RAP1B: variants seen among roughly 807,000 people sequenced by gnomAD.
The protein encoded by RAP1B is ras-related protein Rap-1b.
Under a neutral mutation model 27.5 loss-of-function variants are expected in RAP1B, and 1 was observed. The ratio of observed to expected loss-of-function variants is 0.04; its 90% CI spans 0.01 to 0.17. The LOEUF (loss-of-function observed/expected upper bound fraction) is 0.17. RAP1B is among the 10% of genes least tolerant of loss of function. The pLI is 1.00. For synonymous variants in RAP1B, 75 were observed against 73.1 expected (o/e 1.03, Z -0.13); for missense variants, 84 against 214.8 (o/e 0.39, Z 3.81).
At chr12:68,615,233 C>G (rs1201066520) in intron 1 of RAP1B, among the ~76,000 whole-genome samples, 1 of 151,862 alleles carries the variant, frequency 6.6e-6, no homozygotes, top group African/African-American at 2.4e-5. Context: ...TCCTTTGAAT[C>G]AGTAGAGGGT....
intron 1 of RAP1B, among the ~76,000 whole-genome samples, chr12:68,623,422 T>C (rs1871522939): frequency 6.6e-6 from 1 of 152,212 alleles, no homozygotes; most frequent in Admixed American, 6.5e-5. Context: ...TTTGCCCTGG[T>C]AGATGTTTGT....
intron 1 of RAP1B, among the ~76,000 whole-genome samples, chr12:68,644,447 G>A (rs1873248848): frequency 6.6e-6 from 1 of 151,810 alleles, no homozygotes; most frequent in Non-Finnish European, 1.5e-5. Flanking sequence ...AGCTGGGCGT[G>A]ATGGTGGGCA....
intron 4 of RAP1B, 29 bp downstream of exon 4, chr12:68,652,080 A>G (rs1873849942): frequency 6.5e-7 from 1 of 1,538,226 alleles, no homozygotes; most frequent in Non-Finnish European, 9.0e-7. Flanking sequence ...CAAAGTATAT[A>G]CACCGTTTGT....
intron 1 of RAP1B, among the ~76,000 whole-genome samples, chr12:68,625,911 A>G (rs1406036390): frequency 6.7e-6 from 1 of 148,868 alleles, no homozygotes; most frequent in Non-Finnish European, 1.5e-5. Flanking sequence ...ATAGAGCGAG[A>G]CTCTGTCTCA....
chr12:68,620,324 A>G (rs1352734759), intron 1 of RAP1B, among the ~76,000 whole-genome samples: 1 of 151,810 alleles, frequency 6.6e-6, no homozygotes, highest in East Asian at 1.9e-4. Context: ...CCCAGGTTCA[A>G]GCGATTCTCT....
rs1874877547 is a variant in RAP1B, at chr12:68,666,890, A to G, written c.*7641A>G. ...AAGCCCCAGAATTAAGCTACTCTAC[A>G]AGGATTCTGAGGGAAGTCTGGGATT... On this transcript the variant is annotated 3_prime_UTR_variant, in exon 8 of 8. Coordinates refer to ENST00000250559, the MANE Select transcript of RAP1B (RefSeq NM_001010942.3). 6.6e-6 allele frequency: 1 copy of G among 152,138 alleles called. No individual in the cohort carries two copies. Among genetic ancestry groups the G allele is most frequent in the African/African-American group, 2.4e-5 (1 of 41,428 alleles). The allele number at this position is 152,138 out of a possible 1,614,324, so 9.4% of individuals were successfully genotyped here.
In RAP1B at chr12:68,644,160, A is replaced by G. The variant is rs2135952437; in HGVS notation, c.-26-4539A>G. Among the ~76,000 whole-genome samples, 2 of 152,348 alleles carry G rather than the reference A, an allele frequency of 1.3e-5. 1 individual carries two copies. The highest frequency in any genetic ancestry group is 4.1e-4 in the South Asian group (2 of 4,832). ...TTGTTTAGTAATGTGTTTTTTAAATACTTAAAAGAGGGCTATTTCCCAGTC... is the reference window on the plus strand; with the variant it reads ...TTGTTTAGTAATGTGTTTTTTAAATGCTTAAAAGAGGGCTATTTCCCAGTC... On this transcript the variant is annotated intron_variant, in intron 1 of 7. Coordinates refer to ENST00000250559, the MANE Select transcript of RAP1B (RefSeq NM_001010942.3).
intron 1 of RAP1B, among the ~76,000 whole-genome samples, chr12:68,629,493 C>T (rs1442508565): frequency 2.0e-5 from 3 of 152,056 alleles, no homozygotes; most frequent in Non-Finnish European, 2.9e-5. Context: ...GATGTTAGAC[C>T]GTGTGTATTT....
chr12:68,656,397 A>G lies in RAP1B; in HGVS notation c.416A>G (p.Asn139Ser). Residue 139 changes from asparagine to serine, a missense_variant, in exon 6 of 8, where the codon AAC (asparagine) becomes AGC (serine). By Grantham distance (46) the Asn-to-Ser change is conservative (BLOSUM62 1). Transcript: ENST00000250559. ...EQGQNLARQW[N>S]NCAFLESSAK... ...GGTCAAAATCTAGCAAGACAATGGAACAACTGTGCATTCTTAGAATCTTCT... is the reference window on the plus strand; with the variant it reads ...GGTCAAAATCTAGCAAGACAATGGAGCAACTGTGCATTCTTAGAATCTTCT... 8 of 1,611,102 alleles carry G rather than the reference A, an allele frequency of 5.0e-6. No individual in the cohort carries two copies. The highest frequency in any genetic ancestry group is 6.8e-6 in the Non-Finnish European group (8 of 1,177,378).
intron 1 of RAP1B, among the ~76,000 whole-genome samples, chr12:68,637,281 T>C (rs1340460147): frequency 1.3e-5 from 2 of 152,038 alleles, no homozygotes; most frequent in African/African-American, 4.8e-5. Context: ...TCAGTATTGT[T>C]GTCCGTATTT....
chr12:68,651,788 T>A, intron 3 of RAP1B: 1 of 518,736 alleles, frequency 1.9e-6, no homozygotes. Context: ...AACACATGGC[T>A]TTTGAACTTG....
chr12:68,641,805 C>G (rs1488124781), intron 1 of RAP1B, among the ~76,000 whole-genome samples: 1 of 143,704 alleles, frequency 7.0e-6, no homozygotes, highest in East Asian at 2.1e-4. Context: ...AAAAAAAAAA[C>G]AGTGTAGAAA....
At chr12:68,623,581 TTAAG>T (rs1342320783) in intron 1 of RAP1B, among the ~76,000 whole-genome samples, 8 of 152,190 alleles carry the variant, frequency 5.3e-5, no homozygotes, top group African/African-American at 1.4e-4. Context: ...GATAGTCACA[TTAAG>T]TGAGAGAAAT....
rs147776890 is a variant in RAP1B, at chr12:68,650,623, C to G, written c.126+155C>G. 176 of 685,852 alleles carry G rather than the reference C, an allele frequency of 2.6e-4. No homozygotes were observed. In the African/African-American group the frequency reaches 2.9e-3, roughly 11 times the overall value. The allele number at this position is 685,852 out of a possible 1,614,324, so 42.5% of individuals were successfully genotyped here. Reference sequence around the variant, plus strand: ...TACACTTTCTGGCATTGCATAGTTACCAGTTTAAGAGGATCATAAACACCC... The same window carrying G: ...TACACTTTCTGGCATTGCATAGTTAGCAGTTTAAGAGGATCATAAACACCC... On this transcript the variant is annotated intron_variant, in intron 3 of 7. Coordinates refer to ENST00000250559, the MANE Select transcript of RAP1B (RefSeq NM_001010942.3).
intron 2 of RAP1B, 196 bp downstream of exon 2, chr12:68,648,977 C>T (rs1873618976): frequency 1.9e-6 from 1 of 514,396 alleles, no homozygotes; most frequent in South Asian, 3.4e-5. Context: ...ACATTGACTC[C>T]AGAATGACAC....
intron 1 of RAP1B, 25 bp from the exon 2 acceptor site, chr12:68,648,674 C>CT (rs79936976): frequency 0.046 from 52,532 of 1,148,486 alleles, no homozygotes; most frequent in Non-Finnish European, 0.052. Context: ...ACTTAGAATT[C>CT]TTTTTTTTTT....
At chr12:68,615,925 A>C (rs1707552307) in intron 1 of RAP1B, among the ~76,000 whole-genome samples, 1 of 151,970 alleles carries the variant, frequency 6.6e-6, no homozygotes, top group African/African-American at 2.4e-5. Flanking sequence ...AGACTGAATA[A>C]AGGAAGTGAG....
At position 68,659,576 on chromosome 12, in the gene RAP1B, T is replaced by C. The variant is rs1374422593; in HGVS notation, c.*327T>C. On this transcript the variant is annotated 3_prime_UTR_variant, in exon 8 of 8. Transcript: ENST00000250559. Reference sequence around the variant, plus strand: ...AAATGGTGTACTGTATACTTTAACATGCCCCATACTTTGTATTGGAGAGTA... The same window carrying C: ...AAATGGTGTACTGTATACTTTAACACGCCCCATACTTTGTATTGGAGAGTA... The C allele has an allele frequency of 1.7e-4, 37 of 218,138 alleles. No individual in the cohort carries two copies. Among genetic ancestry groups the C allele is most frequent in the Non-Finnish European group, 3.1e-4 (33 of 106,140 alleles). The allele number at this position is 218,138 out of a possible 1,614,324, so 13.5% of individuals were successfully genotyped here.
intron 1 of RAP1B, among the ~76,000 whole-genome samples, chr12:68,618,148 C>T (rs1482498782): frequency 8.2e-6 from 1 of 121,538 alleles, no homozygotes; most frequent in African/African-American, 3.2e-5. Context: ...AATGCAGTGG[C>T]ACAATCTTCG....
Sources: gnomAD v4.1 joint callset for allele counts (sites outside exome capture counted in the v4.1 genomes callset) on GRCh38, gnomAD v4.1.1 for gene constraint, MANE v1.5 for transcripts, NCBI Gene and HGNC (gene_info 2026-07-23, HGNC 2026-07-21) for gene names.